The following CNNM3 variants were observed in gnomAD, a reference collection of about 807,000 sequenced individuals.
CNNM3 encodes the protein cyclin and CBS domain divalent metal cation transport mediator 3.
In CNNM3, 47 loss-of-function variants were observed where a neutral mutation model predicts 57.1. That is an observed-to-expected ratio of 0.82 (90% CI 0.65 to 1.05). The LOEUF (loss-of-function observed/expected upper bound fraction) is 1.05, where lower values mean the gene tolerates loss of function less well. CNNM3 is among the 50% of genes least tolerant of loss of function. CNNM3 has a pLI of 0.00. For missense variants in CNNM3, 957 were observed against 973.7 expected, an observed-to-expected ratio of 0.98 and a Z score of 0.23; for synonymous variants, 507 against 478.2, an observed-to-expected ratio of 1.06 and a Z score of -0.79.
chr2:96,818,402 T>G (rs1455614117), intron 1 of CNNM3, among the ~76,000 whole-genome samples: 1 of 146,596 alleles, frequency 6.8e-6, no homozygotes, highest in African/African-American at 2.7e-5. Flanking sequence ...TTTTTTTTGC[T>G]TTTTAATCTC....
rs1354390841 is a variant in CNNM3 at position 96,822,912 on chromosome 2, G to A, written c.1226-2146G>A. On this transcript the variant is annotated intron_variant, in intron 1 of 7. Coordinates refer to ENST00000305510, the MANE Select transcript of CNNM3 (RefSeq NM_017623.5). The stretch of plus-strand genomic sequence containing the variant: ...AAATTAAACTTGAAGCTTTTCCAGG[G>A]CTTTCTGCTTGACGTTGGCAAGACA... Among the ~76,000 whole-genome samples, 77 of 152,282 alleles carry A rather than the reference G, an allele frequency of 5.1e-4. 1 individual carries two copies. Among genetic ancestry groups the A allele is most frequent in the Non-Finnish European group, 2.9e-5 (2 of 68,034 alleles).
intron 5 of CNNM3, 74 bp from the exon 6 acceptor site, chr2:96,828,493 A>C (rs2079547646): frequency 1.3e-6 from 2 of 1,581,962 alleles, no homozygotes; most frequent in Non-Finnish European, 1.7e-6. Flanking sequence ...GAAACTGTAC[A>C]GTTGTCCCCA....
chr2:96,833,151 T>C lies in CNNM3; in HGVS notation c.*535T>C. The stretch of plus-strand genomic sequence containing the variant: ...CTTTCTGGCTTCCCTGATGGTGTCA[T>C]GTTTCAGCGCATGCGCCCCAGCCTT... On this transcript the variant is annotated 3_prime_UTR_variant, in exon 8 of 8. Coordinates refer to ENST00000305510, the MANE Select transcript of CNNM3 (RefSeq NM_017623.5). 1 of 572,236 alleles carries C rather than the reference T, an allele frequency of 1.7e-6. No individual in the cohort carries two copies. The highest frequency in any genetic ancestry group is 2.8e-6 in the Non-Finnish European group (1 of 357,176). 35.4% of individuals were successfully genotyped at this position (572,236 alleles called of 1,614,324 possible). A position where few individuals can be genotyped will look rare whatever the true frequency, so the allele number is the denominator to read the frequency against.
chr2:96,831,952 C>T, intron 7 of CNNM3: 1 of 983,618 alleles, frequency 1.0e-6, no homozygotes, highest in African/African-American at 1.7e-5. Flanking sequence ...TCTTCTTTCT[C>T]TCTCTGCTCT....
intron 1 of CNNM3, among the ~76,000 whole-genome samples, chr2:96,820,410 G>A (rs1031597750): frequency 1.3e-5 from 2 of 152,180 alleles, no homozygotes; most frequent in African/African-American, 4.8e-5. Flanking sequence ...CTAGCAGGCC[G>A]TTGATGTGAA....
intron 7 of CNNM3, 78 bp from the exon 8 acceptor site, chr2:96,832,474 A>G (rs2079619990): frequency 4.4e-6 from 7 of 1,601,790 alleles, no homozygotes; most frequent in Middle Eastern, 1.7e-4. Flanking sequence ...TTCCTGTCCC[A>G]CAGAGGATTT....
chr2:96,832,990 C>G lies in CNNM3; in HGVS notation c.*374C>G, dbSNP rs1340223258. 7.5e-7 allele frequency: 1 copy of G among 1,339,698 alleles called. No individual in the cohort carries two copies. Among genetic ancestry groups the G allele is most frequent in the Non-Finnish European group, 9.8e-7 (1 of 1,021,546 alleles). The allele number at this position is 1,339,698 out of a possible 1,614,324, so 83.0% of individuals were successfully genotyped here. On this transcript the variant is annotated 3_prime_UTR_variant, in exon 8 of 8. Coordinates refer to ENST00000305510, the MANE Select transcript of CNNM3 (RefSeq NM_017623.5). ...CTGAGCCACCTTGTGAGTGCAGTTA[C>G]TGCCTTTGTGTGGCCGTGACCTCTA...
intron 3 of CNNM3, among the ~76,000 whole-genome samples, chr2:96,827,474 G>T (rs988642588): frequency 4.6e-5 from 7 of 151,986 alleles, no homozygotes; most frequent in African/African-American, 1.7e-4. Flanking sequence ...TGCCATATTG[G>T]CCAGGCTGGT....
At position 96,832,966 on chromosome 2, in the gene CNNM3, T is replaced by TGA; in HGVS notation, c.*352_*353dup. ...TATTCAGATTCAGACCTCTTTGGGC[T>TGA]GAGCCACCTTGTGAGTGCAGTTACT... is the stretch of plus-strand genomic sequence containing the variant. On this transcript the variant is annotated 3_prime_UTR_variant, in exon 8 of 8. Transcript: ENST00000305510. 1 of 1,359,680 alleles carries TGA rather than the reference T, an allele frequency of 7.4e-7. No individual in the cohort carries two copies. Among genetic ancestry groups the TGA allele is most frequent in the Non-Finnish European group, 9.7e-7 (1 of 1,034,402 alleles). The allele number at this position is 1,359,680 out of a possible 1,614,324, so 84.2% of individuals were successfully genotyped here. A position where few individuals can be genotyped will look rare whatever the true frequency, so the allele number is the denominator to read the frequency against.
rs183764245 is a variant in CNNM3, at chr2:96,826,909, G to A, written c.1446G>A (p.Lys482=). The part of the protein sequence containing the change: ...LKRKEEFSLF[K]VSDDEYKVTI... The stretch of plus-strand genomic sequence containing the variant: ...GGAAGGAGGAGTTCTCCTTGTTCAA[G>A]GTGTCTGATGATGAATATAAAGTAA... The change falls in exon 3 of 8, where the codon AAG becomes AAA. Residue 482 remains lysine (K), a synonymous_variant. Transcript: ENST00000305510. 65 of 1,614,252 alleles carry A rather than the reference G, an allele frequency of 4.0e-5. 1 individual carries two copies. In the East Asian group the frequency reaches 5.8e-4, roughly 14 times the overall value.
In CNNM3 at chr2:96,816,845, T is replaced by G. The variant is rs2079327601; in HGVS notation, c.568T>G (p.Trp190Gly). ...AARRLEPARR[W>G]AGCALGALLL... ...GCGGCGTTTGGAGCCCGCGCGGCGC[T>G]GGGCCGGCTGCGCCTTGGGCGCGCT... The change falls in exon 1 of 8, where the codon TGG (tryptophan) becomes GGG (glycine). Residue 190 changes from tryptophan to glycine, a missense_variant. This residue lies in a region of CNNM3 where 466 missense variants were observed against 403.1 expected (regional missense o/e 1.16). Coordinates refer to ENST00000305510, the MANE Select transcript of CNNM3 (RefSeq NM_017623.5). The G allele has an allele frequency of 2.8e-6, 3 of 1,054,574 alleles. No homozygotes were observed. Among genetic ancestry groups the G allele is most frequent in the Non-Finnish European group, 3.4e-6 (3 of 878,860 alleles). The allele number at this position is 1,054,574 out of a possible 1,614,324, so 65.3% of individuals were successfully genotyped here.
At chr2:96,829,232 C>CT in intron 7 of CNNM3, 98 bp downstream of exon 7, 1 of 1,359,904 alleles carries the variant, frequency 7.4e-7, no homozygotes, top group Non-Finnish European at 9.6e-7. Context: ...CACCCTCTGT[C>CT]TTTTTTCTCT....
chr2:96,820,035 A>G (rs2079383537), intron 1 of CNNM3, among the ~76,000 whole-genome samples: 1 of 152,200 alleles, frequency 6.6e-6, no homozygotes, highest in South Asian at 2.1e-4. Flanking sequence ...GTGCTGTGTA[A>G]GGAACTTGTA....
In CNNM3 at chr2:96,816,967, G is replaced by A. The variant is rs1444861184; in HGVS notation, c.690G>A (p.Gly230=). 5 of 1,344,640 alleles carry A rather than the reference G, an allele frequency of 3.7e-6. No individual in the cohort carries two copies. The East Asian group carries it at 1.5e-4, about 41-fold the overall frequency. The allele number at this position is 1,344,640 out of a possible 1,614,324, so 83.3% of individuals were successfully genotyped here. A position where few individuals can be genotyped will look rare whatever the true frequency, so the allele number is the denominator to read the frequency against. Residue 230 remains glycine, a synonymous_variant, in exon 1 of 8, where the codon GGG becomes GGA. Transcript: ENST00000305510. ...RAVPAVLGSA[G]LVFLVGEVVP... ...TGCCCGCCGTGTTGGGCAGCGCGGG[G>A]CTCGTGTTCCTGGTGGGAGAGGTGG...
intron 7 of CNNM3, chr2:96,832,316 C>G: frequency 3.0e-6 from 3 of 985,370 alleles, no homozygotes; most frequent in Non-Finnish European, 3.6e-6. Flanking sequence ...GCATAATGAC[C>G]TGGGACCCTC....
rs2079324168 is a variant in CNNM3, at chr2:96,816,702, C to G, written c.425C>G (p.Ala142Gly). Residue 142 changes from alanine to glycine, a missense_variant, in exon 1 of 8, where the codon GCC (alanine) becomes GGC (glycine). Transcript: ENST00000305510. ...CCCTGGGCTCTGGGCCTGGGGGCGG[C>G]CGGGCTGCTGGCGCTGGCAGCGCTG... The part of the protein sequence containing the change: ...APPWALGLGA[A>G]GLLALAALAR... 14 of 1,013,816 alleles carry G rather than the reference C, an allele frequency of 1.4e-5. No homozygotes were observed. The highest frequency in any genetic ancestry group is 1.6e-5 in the Non-Finnish European group (14 of 850,514). The allele number at this position is 1,013,816 out of a possible 1,614,324, so 62.8% of individuals were successfully genotyped here.
At chr2:96,817,821 A>G (rs2079348001) in intron 1 of CNNM3, among the ~76,000 whole-genome samples, 1 of 150,518 alleles carries the variant, frequency 6.6e-6, no homozygotes, top group Non-Finnish European at 1.5e-5. Context: ...TCCCTCTCCC[A>G]GAGTGTTTCT....
chr2:96,825,036 C>T, intron 1 of CNNM3, 22 bp from the exon 2 acceptor site: 1 of 1,611,694 alleles, frequency 6.2e-7, no homozygotes, highest in Non-Finnish European at 8.5e-7. Context: ...CAAGCTGTTC[C>T]ATGAGTGTCC....
intron 1 of CNNM3, among the ~76,000 whole-genome samples, chr2:96,818,299 G>T (rs1351591497): frequency 6.6e-6 from 1 of 151,680 alleles, no homozygotes; most frequent in African/African-American, 2.4e-5. Flanking sequence ...TGACCAAGCT[G>T]GTCTTGAACT....
Sources: gnomAD v4.1 joint callset for allele counts (sites outside exome capture counted in the v4.1 genomes callset) on GRCh38, gnomAD v4.1.1 for gene constraint, gnomAD v4.1.1 regional missense constraint, MANE v1.5 for transcripts, NCBI Gene and HGNC (gene_info 2026-07-23, HGNC 2026-07-21) for gene names.